The following ADIPOR2 variants were observed in gnomAD, a reference collection of about 807,000 sequenced individuals.
ADIPOR2 encodes the protein adiponectin receptor protein 2.
ADIPOR2 carries 18 observed loss-of-function variants against 40.9 expected under a neutral mutation model. That is an observed-to-expected ratio of 0.44 (90% CI 0.30 to 0.65). ADIPOR2 has a LOEUF of 0.65. Among genes scored for constraint, ADIPOR2 ranks in the 30% least tolerant of loss-of-function variants. The pLI, the probability that ADIPOR2 is intolerant of heterozygous loss-of-function variation, is 0.09. For missense variants in ADIPOR2, 283 were observed against 479.2 expected (o/e 0.59, Z 3.82); for synonymous variants, 165 against 166.4 (o/e 0.99, Z 0.06).
intron 1 of ADIPOR2, among the ~76,000 whole-genome samples, chr12:1,732,157 A>G (rs896468130): frequency 4.6e-5 from 7 of 152,166 alleles, no homozygotes; most frequent in Non-Finnish European, 1.0e-4. Context: ...ACAGTTTATG[A>G]ACTGATGTTA....
At chr12:1,727,165 A>C (rs1203758593) in intron 1 of ADIPOR2, among the ~76,000 whole-genome samples, 1 of 152,124 alleles carries the variant, frequency 6.6e-6, no homozygotes, top group Admixed American at 6.5e-5. Context: ...TAAAACCTTC[A>C]CCATTTCTTT....
At chr12:1,704,130 A>G (rs1252228999) in intron 1 of ADIPOR2, among the ~76,000 whole-genome samples, 1 of 145,152 alleles carries the variant, frequency 6.9e-6, no homozygotes, top group African/African-American at 2.5e-5. Context: ...TGTATACCCA[A>G]TAACCATATT....
At chr12:1,775,817 T>C (rs111370474) in intron 3 of ADIPOR2, among the ~76,000 whole-genome samples, 14 of 152,224 alleles carry the variant, frequency 9.2e-5, no homozygotes, top group Non-Finnish European at 1.8e-4. Context: ...GTTGACAGAC[T>C]TCCAGCAGTT....
At chr12:1,724,210 T>C (rs866455983) in intron 1 of ADIPOR2, among the ~76,000 whole-genome samples, 31 of 152,308 alleles carry the variant, frequency 2.0e-4, no homozygotes, top group African/African-American at 7.2e-4. Context: ...CTTGAACTCC[T>C]GACCTCGTGA....
At chr12:1,757,861 G>A (rs1347413799) in intron 2 of ADIPOR2, 7 of 823,788 alleles carry the variant, frequency 8.5e-6, no homozygotes, top group African/African-American at 3.3e-5. Context: ...GCTTACTTAA[G>A]TCTGTTCCTT....
chr12:1,700,112 A>G (rs951250737), intron 1 of ADIPOR2, among the ~76,000 whole-genome samples: 1 of 152,282 alleles, frequency 6.6e-6, no homozygotes, highest in African/African-American at 2.4e-5. Flanking sequence ...TACTGGATTT[A>G]TTGAATATAA....
chr12:1,751,655 G>A (rs1202403157), intron 1 of ADIPOR2, among the ~76,000 whole-genome samples: 1 of 152,016 alleles, frequency 6.6e-6, no homozygotes, highest in African/African-American at 2.4e-5. Context: ...CTACAGCCAT[G>A]AGCCACGTGC....
chr12:1,732,067 G>C (rs777801716), intron 1 of ADIPOR2, among the ~76,000 whole-genome samples: 1 of 151,826 alleles, frequency 6.6e-6, no homozygotes, highest in Non-Finnish European at 1.5e-5. Flanking sequence ...GTGAAAACTA[G>C]AGTTCCCATA....
intron 1 of ADIPOR2, among the ~76,000 whole-genome samples, chr12:1,740,613 T>C (rs1473391528): frequency 6.6e-6 from 1 of 152,242 alleles, no homozygotes; most frequent in Non-Finnish European, 1.5e-5. Context: ...TTTGAGAGGC[T>C]ACAATCAGTG....
chr12:1,733,815 T>A (rs1000555783), intron 1 of ADIPOR2, among the ~76,000 whole-genome samples: 2 of 143,812 alleles, frequency 1.4e-5, no homozygotes, highest in Non-Finnish European at 3.0e-5. Flanking sequence ...TGTCCATGTG[T>A]TCTCATTGTT....
chr12:1,753,354 ACTC>A (rs1862046610), intron 1 of ADIPOR2, among the ~76,000 whole-genome samples: 1 of 152,044 alleles, frequency 6.6e-6, no homozygotes, highest in South Asian at 2.1e-4. Context: ...AAAAGCTTGA[ACTC>A]CTAGGACTTA....
intron 1 of ADIPOR2, among the ~76,000 whole-genome samples, chr12:1,718,802 C>G (rs2094692500): frequency 6.6e-6 from 1 of 152,098 alleles, no homozygotes; most frequent in South Asian, 2.1e-4. Flanking sequence ...GTGAGATTTT[C>G]CTATTTTCTT....
intron 1 of ADIPOR2, among the ~76,000 whole-genome samples, chr12:1,707,223 A>T (rs2094665166): frequency 6.6e-6 from 1 of 152,168 alleles, no homozygotes. Context: ...AGTGGCAATG[A>T]ACATTGATGT....
chr12:1,691,757 C>T (rs1239605255), intron 1 of ADIPOR2, among the ~76,000 whole-genome samples: 1 of 152,096 alleles, frequency 6.6e-6, no homozygotes, highest in Non-Finnish European at 1.5e-5. Flanking sequence ...CGTCAGTGTT[C>T]GCTTCTTCTA....
At chr12:1,742,290 GC>G (rs2094744640) in intron 1 of ADIPOR2, among the ~76,000 whole-genome samples, 1 of 152,152 alleles carries the variant, frequency 6.6e-6, no homozygotes, top group Non-Finnish European at 1.5e-5. Context: ...ACGGAGTCTT[GC>G]CGTGTTGCCC....
At chr12:1,725,115 C>T (rs376439127) in intron 1 of ADIPOR2, among the ~76,000 whole-genome samples, 140 of 117,012 alleles carry the variant, frequency 1.2e-3, no homozygotes, top group African/African-American at 4.0e-3. Context: ...ATCCAAATAC[C>T]GCAAACTTTC....
At chr12:1,741,261 G>A (rs1215817506) in intron 1 of ADIPOR2, among the ~76,000 whole-genome samples, 1 of 152,116 alleles carries the variant, frequency 6.6e-6, no homozygotes, top group East Asian at 1.9e-4. Context: ...GAAACTGCAG[G>A]TATGAGAGTA....
At chr12:1,700,950 C>CATGT (rs2094648943) in intron 1 of ADIPOR2, among the ~76,000 whole-genome samples, 1 of 151,940 alleles carries the variant, frequency 6.6e-6, no homozygotes, top group South Asian at 2.1e-4. Flanking sequence ...CATGAGACTA[C>CATGT]AGAGACCAAT....
chr12:1,710,866 A>G (rs1190812633), intron 1 of ADIPOR2, among the ~76,000 whole-genome samples: 3 of 152,122 alleles, frequency 2.0e-5, no homozygotes, highest in African/African-American at 7.3e-5. Context: ...CTATAGCTTG[A>G]TGGCATCGAT....
Sources: gnomAD v4.1 joint callset for allele counts (sites outside exome capture counted in the v4.1 genomes callset) on GRCh38, gnomAD v4.1.1 for gene constraint, MANE v1.5 for transcripts, NCBI Gene and HGNC (gene_info 2026-07-23, HGNC 2026-07-21) for gene names.